GPS1: variants seen among roughly 807,000 people sequenced by gnomAD.
GPS1 encodes G protein pathway suppressor 1.
A neutral mutation model predicts 60.0 loss-of-function variants in GPS1; 11 were observed. That is an observed-to-expected ratio of 0.18 (90% CI 0.12 to 0.30). The LOEUF (loss-of-function observed/expected upper bound fraction) is 0.30. GPS1 is among the 10% of genes least tolerant of loss of function. GPS1 has a pLI of 1.00. For missense variants in GPS1, 543 were observed against 669.2 expected, an observed-to-expected ratio of 0.81 and a Z score of 2.08; for synonymous variants, 343 against 269.8, an observed-to-expected ratio of 1.27 and a Z score of -2.66.
In GPS1 at chr17:82,053,918, G is replaced by A. The variant is rs139146000; in HGVS notation, c.177G>A (p.Arg59=). The change falls in exon 3 of 13, where the codon CGG becomes CGA. Residue 59 remains arginine (R), a synonymous_variant. Coordinates refer to ENST00000578552, the MANE Select transcript of GPS1 (RefSeq NM_001321092.3). ...ASYSGLMRIE[R]LQFIADHCPT... is the part of the protein sequence containing the mutation. ...ACAGCGGCCTGATGCGCATCGAACG[G>A]CTGCAGTTCATTGCTGATCACTGCC... 58 of 1,612,690 alleles carry A rather than the reference G, an allele frequency of 3.6e-5. No homozygotes were observed. The highest frequency in any genetic ancestry group is 2.1e-5 in the Non-Finnish European group (25 of 1,179,950).
chr17:82,051,466 T>C (rs1352473809), upstream of GPS1: 63 of 1,329,834 alleles, frequency 4.7e-5, no homozygotes, highest in Non-Finnish European at 5.9e-5. This position sits in a 1 kb window ranked among gnomAD's most constrained non-coding sequence, Gnocchi z 4.1. Context: ...CGGGTGGGCG[T>C]GGGGCTCGCC....
Position 82,056,111 on chromosome 17 carries a change from C to T in GPS1, c.929+16C>T. On this transcript the variant is annotated intron_variant, in intron 8 of 12. Transcript: ENST00000578552. ...TCTCCAGCAGGTAGGTGCCCCGGTCCTGCAGCCCTGAAGGCTGTCCCCGTC... is the reference window on the plus strand; with the variant it reads ...TCTCCAGCAGGTAGGTGCCCCGGTCTTGCAGCCCTGAAGGCTGTCCCCGTC... 6.3e-7 allele frequency: 1 copy of T among 1,596,416 alleles called. No homozygotes were observed. Among genetic ancestry groups the T allele is most frequent in the Non-Finnish European group, 8.6e-7 (1 of 1,166,390 alleles).
chr17:82,056,251 C>G (rs979097495), intron 8 of GPS1, 35 bp from the exon 9 acceptor site: 1 of 1,473,482 alleles, frequency 6.8e-7, no homozygotes, highest in Non-Finnish European at 9.5e-7. Flanking sequence ...GAGGGGCAGG[C>G]AGAGGACAGA....
Position 82,057,282 on chromosome 17 carries a change from G to A in GPS1, c.*155G>A. On this transcript the variant is annotated 3_prime_UTR_variant, in exon 13 of 13. Coordinates refer to ENST00000578552, the MANE Select transcript of GPS1 (RefSeq NM_001321092.3). Reference sequence around the variant, plus strand: ...TGCCCTCCCTGGGGCTGAGGAGGCAGGCGGCTGCTAGTTGTGGCCCTTCCT... The same window carrying A: ...TGCCCTCCCTGGGGCTGAGGAGGCAAGCGGCTGCTAGTTGTGGCCCTTCCT... 1.0e-6 allele frequency: 1 copy of A among 987,434 alleles called. No homozygotes were observed. The highest frequency in any genetic ancestry group is 1.6e-6 in the Non-Finnish European group (1 of 633,910). The allele number at this position is 987,434 out of a possible 1,614,324, so 61.2% of individuals were successfully genotyped here.
upstream of GPS1, chr17:82,051,890 G>A (rs2030698600): frequency 3.5e-6 from 4 of 1,157,692 alleles, no homozygotes; most frequent in East Asian, 3.9e-5. This position sits in a 1 kb window ranked among gnomAD's most constrained non-coding sequence, Gnocchi z 4.1. Flanking sequence ...CGGCTTCGCT[G>A]CCCCGGAAGT....
chr17:82,053,219 G>A (rs558017078), intron 1 of GPS1, 55 bp from the exon 2 acceptor site: 64 of 1,405,202 alleles, frequency 4.6e-5, no homozygotes, highest in East Asian at 1.7e-4. Context: ...CGGGTCTCTC[G>A]CCCTCCTGGG....
rs550445452 is a variant in GPS1 at position 82,056,604 on chromosome 17, G to A, written c.1117-25G>A. 6.8e-6 allele frequency: 11 copies of A among 1,612,334 alleles called. No homozygotes were observed. The South Asian group carries it at 7.7e-5, about 11-fold the overall frequency. On this transcript the variant is annotated intron_variant, in intron 10 of 12. Transcript: ENST00000578552. ...GCAGGCGGGCATGCAGGGGGCTGTG[G>A]AGCTGACTTCCCTCTGCCCTGCAGT... is the stretch of plus-strand genomic sequence containing the variant.
intron 8 of GPS1, 23 bp downstream of exon 8, chr17:82,056,118 CCTGAAGG>C (rs2032657608): frequency 1.3e-6 from 2 of 1,577,596 alleles, no homozygotes; most frequent in African/African-American, 2.7e-5. Context: ...GTCCTGCAGC[CCTGAAGG>C]CTGTCCCCGT....
At chr17:82,051,255 G>A, upstream of GPS1, 1 of 1,344,736 alleles carries the variant, frequency 7.4e-7, no homozygotes, top group Non-Finnish European at 9.6e-7. This position sits in a 1 kb window ranked among gnomAD's most constrained non-coding sequence, Gnocchi z 4.1. Context: ...AGGCTCGGGG[G>A]GCAGATCCCG....
upstream of GPS1, chr17:82,051,025 G>A: frequency 2.1e-6 from 3 of 1,396,886 alleles, no homozygotes; most frequent in Non-Finnish European, 2.8e-6. The surrounding 1 kb of genome is among the most constrained non-coding windows in gnomAD (Gnocchi z 4.1). Context: ...GCCTGGAAGG[G>A]CGGATTCCCT....
chr17:82,053,847 C>T (rs1568048308), intron 2 of GPS1, 21 bp from the exon 3 acceptor site: 4 of 1,595,276 alleles, frequency 2.5e-6, no homozygotes, highest in Middle Eastern at 2.0e-4. Flanking sequence ...CTGCCTGACT[C>T]TTGTCTGTGC....
Position 82,056,697 on chromosome 17 carries a change from C to T in GPS1, c.1185C>T (p.Ala395=). 1.3e-6 allele frequency: 2 copies of T among 1,595,028 alleles called. No homozygotes were observed. Among genetic ancestry groups the T allele is most frequent in the Non-Finnish European group, 1.7e-6 (2 of 1,169,584 alleles). ...CAGCCTTCAATACCACGGTGGCCGC[C>T]CTGGAGGACGAGCTGACGCAGCTAA... is the stretch of plus-strand genomic sequence containing the variant. ...MAAAFNTTVA[A]LEDELTQLIL... The change falls in exon 11 of 13, where the codon GCC becomes GCT. Residue 395 remains alanine, a synonymous_variant. Coordinates refer to ENST00000578552, the MANE Select transcript of GPS1 (RefSeq NM_001321092.3).
intron 3 of GPS1, chr17:82,054,262 C>A: frequency 1.4e-6 from 1 of 724,578 alleles, no homozygotes; most frequent in Non-Finnish European, 2.2e-6. Flanking sequence ...CCAAGGGGAG[C>A]TGTTGGAGAC....
intron 6 of GPS1, 110 bp from the exon 7 acceptor site, chr17:82,055,630 C>A: frequency 1.4e-6 from 1 of 723,544 alleles, no homozygotes; most frequent in Non-Finnish European, 2.4e-6. Flanking sequence ...GAGAGGCCAG[C>A]GAGCCGGCTG....
chr17:82,054,393 G>A (rs1450553784), intron 3 of GPS1, 117 bp from the exon 4 acceptor site: 8 of 1,315,610 alleles, frequency 6.1e-6, no homozygotes, highest in Non-Finnish European at 8.1e-6. Context: ...AGGCCAGCGG[G>A]AGGTGCCCAC....
At position 82,054,461 on chromosome 17, in the gene GPS1, C is replaced by T. The variant is rs1435260269; in HGVS notation, c.309-49C>T. On this transcript the variant is annotated intron_variant, in intron 3 of 12. Transcript: ENST00000578552. Reference sequence around the variant, plus strand: ...GAGATTGGCGGCTTCCTCCCCTCCTCCCTGGCCCCCGTGACCGCCGCCATC... The same window carrying T: ...GAGATTGGCGGCTTCCTCCCCTCCTTCCTGGCCCCCGTGACCGCCGCCATC... 5 of 1,448,466 alleles carry T rather than the reference C, an allele frequency of 3.5e-6. No homozygotes were observed. The African/African-American group carries it at 4.3e-5, about 12-fold the overall frequency. 89.7% of individuals were successfully genotyped at this position (1,448,466 alleles called of 1,614,324 possible).
intron 2 of GPS1, 43 bp from the exon 3 acceptor site, chr17:82,053,825 C>T (rs1258993387): frequency 3.2e-6 from 5 of 1,572,012 alleles, no homozygotes; most frequent in Non-Finnish European, 2.6e-6. Flanking sequence ...GGCCAGGGTC[C>T]TGCCTCCCAT....
chr17:82,053,845 C>CTCTT (rs1215894455), intron 2 of GPS1, 23 bp from the exon 3 acceptor site: 2 of 1,594,284 alleles, frequency 1.3e-6, no homozygotes, highest in African/African-American at 2.7e-5. Context: ...TCCTGCCTGA[C>CTCTT]TCTTGTCTGT....
At chr17:82,055,331 C>T (rs1349618141) in intron 6 of GPS1, 109 bp downstream of exon 6, 14 of 1,129,184 alleles carry the variant, frequency 1.2e-5, no homozygotes, top group Non-Finnish European at 1.8e-5. Flanking sequence ...ACTTCCCTGG[C>T]AGGGCGCAGG....
Sources: allele counts gnomAD v4.1 joint callset, GRCh38; gene constraint gnomAD v4.1.1; non-coding constraint Gnocchi (gnomAD v3.1); transcripts MANE v1.5; gene names NCBI Gene and HGNC (gene_info 2026-07-23, HGNC 2026-07-21).